PRPSAP2: variants seen among roughly 807,000 people sequenced by gnomAD.
The protein encoded by PRPSAP2 is phosphoribosyl pyrophosphate synthetase associated protein 2.
In PRPSAP2, 24 loss-of-function variants were observed where a neutral mutation model predicts 40.6. The observed-to-expected ratio is 0.59, with a 90% CI of 0.43 to 0.83. PRPSAP2 has a LOEUF of 0.83. Among genes scored for constraint, PRPSAP2 ranks in the 40% least tolerant of loss-of-function variants. The pLI is 0.00. For synonymous variants in PRPSAP2, 149 were observed against 164.7 expected (o/e 0.90, Z 0.73); for missense variants, 292 against 465.6 (o/e 0.63, Z 3.43).
intron 10 of PRPSAP2, among the ~76,000 whole-genome samples, chr17:18,924,817 C>G (rs1175773944): frequency 6.8e-6 from 1 of 146,252 alleles, no homozygotes; most frequent in Non-Finnish European, 1.5e-5. Context: ...AGATATTGTT[C>G]TGTGATCAAA....
At chr17:18,916,320 A>G (rs141529660) in intron 9 of PRPSAP2, among the ~76,000 whole-genome samples, 1 of 151,914 alleles carries the variant, frequency 6.6e-6, no homozygotes, top group East Asian at 1.9e-4. Context: ...ACTTCTCAGT[A>G]CCAATTTCTG....
chr17:18,885,678 C>T (rs2039087631), intron 7 of PRPSAP2, among the ~76,000 whole-genome samples: 1 of 152,094 alleles, frequency 6.6e-6, no homozygotes, highest in Admixed American at 6.6e-5. Flanking sequence ...ACCTCCCCCT[C>T]CCAGGTTCAA....
intron 5 of PRPSAP2, among the ~76,000 whole-genome samples, chr17:18,877,469 G>A (rs971947858): frequency 6.6e-6 from 1 of 152,148 alleles, no homozygotes; most frequent in African/African-American, 2.4e-5. Flanking sequence ...CACATAGTGG[G>A]AGCTTGTGGA....
intron 8 of PRPSAP2, among the ~76,000 whole-genome samples, chr17:18,905,289 G>A (rs1330814905): frequency 6.6e-6 from 1 of 152,140 alleles, no homozygotes; most frequent in Non-Finnish European, 1.5e-5. Flanking sequence ...GCCTCCCAAA[G>A]TGCTGGGATT....
intron 8 of PRPSAP2, among the ~76,000 whole-genome samples, chr17:18,890,314 C>T (rs1044993129): frequency 6.6e-5 from 10 of 151,994 alleles, no homozygotes; most frequent in Non-Finnish European, 7.4e-5. Flanking sequence ...GGATTACAGG[C>T]GTGCACCACC....
At chr17:18,890,705 G>A (rs958460178) in intron 8 of PRPSAP2, among the ~76,000 whole-genome samples, 1 of 152,180 alleles carries the variant, frequency 6.6e-6, no homozygotes, top group African/African-American at 2.4e-5. Flanking sequence ...GTCAGTCTTT[G>A]AGTCTGGCGT....
chr17:18,897,453 G>GTGTTGTTGTTGTTGTTGT (rs11271940), intron 8 of PRPSAP2, among the ~76,000 whole-genome samples: 1,845 of 150,588 alleles, frequency 0.012, 51 homozygotes, highest in African/African-American at 0.043. Flanking sequence ...CTCTATAGTG[G>GTGTTGTTGTTGTTGTTGT]TGTTGTTGTT....
At chr17:18,866,243 CTA>C (rs1013295873) in intron 3 of PRPSAP2, among the ~76,000 whole-genome samples, 4 of 150,662 alleles carry the variant, frequency 2.7e-5, no homozygotes, top group Admixed American at 6.7e-5. Flanking sequence ...GTGTTAGATG[CTA>C]TATATATATA....
At chr17:18,872,706 A>G (rs2037981020) in intron 5 of PRPSAP2, 57 bp downstream of exon 5, 1 of 1,321,296 alleles carries the variant, frequency 7.6e-7, no homozygotes. Flanking sequence ...TGAGTGTTTA[A>G]AATAATGATA....
At chr17:18,869,344 T>TC (rs1395405261) in intron 4 of PRPSAP2, among the ~76,000 whole-genome samples, 2 of 150,102 alleles carry the variant, frequency 1.3e-5, no homozygotes, top group Non-Finnish European at 3.0e-5. Context: ...TTCTTTTCTT[T>TC]TTTTTTTTTT....
intron 8 of PRPSAP2, among the ~76,000 whole-genome samples, chr17:18,896,885 A>AT (rs1435399336): frequency 6.6e-6 from 1 of 152,034 alleles, no homozygotes; most frequent in African/African-American, 2.4e-5. Context: ...GAGGTTTCCA[A>AT]TTTTTGTCTT....
At chr17:18,871,394 T>C (rs976224539) in intron 4 of PRPSAP2, among the ~76,000 whole-genome samples, 1 of 152,202 alleles carries the variant, frequency 6.6e-6, no homozygotes, top group South Asian at 2.1e-4. Context: ...GGATTTTTTT[T>C]AAAAAATATC....
intron 8 of PRPSAP2, among the ~76,000 whole-genome samples, chr17:18,897,103 G>A (rs533669487): frequency 6.6e-6 from 1 of 152,132 alleles, no homozygotes; most frequent in South Asian, 2.1e-4. Context: ...CCACAGGCAT[G>A]CAGCACCATG....
chr17:18,922,796 C>T (rs1597759354), intron 9 of PRPSAP2, among the ~76,000 whole-genome samples: 1 of 150,492 alleles, frequency 6.6e-6, no homozygotes, highest in East Asian at 1.9e-4. Flanking sequence ...ACCTCAGCCC[C>T]CTAAGTAGCT....
chr17:18,900,426 T>C (rs1353521669), intron 8 of PRPSAP2, among the ~76,000 whole-genome samples: 2 of 152,224 alleles, frequency 1.3e-5, no homozygotes, highest in Non-Finnish European at 2.9e-5. Context: ...GTAGCACTTT[T>C]CTGATGGCTG....
At chr17:18,882,534 C>A in intron 6 of PRPSAP2, 34 bp from the exon 7 acceptor site, 5 of 1,322,154 alleles carry the variant, frequency 3.8e-6, no homozygotes, top group Non-Finnish European at 5.3e-6. Context: ...AAAAACAAAA[C>A]TATTTATTGC....
At chr17:18,885,930 C>T (rs1274554440) in intron 7 of PRPSAP2, among the ~76,000 whole-genome samples, 1 of 151,986 alleles carries the variant, frequency 6.6e-6, no homozygotes, top group African/African-American at 2.4e-5. Flanking sequence ...ACCGTGTTGG[C>T]CAGGCTGGTC....
intron 7 of PRPSAP2, among the ~76,000 whole-genome samples, chr17:18,885,429 A>AAAAAAAAAAAAT (rs59891086): frequency 1.3e-4 from 14 of 109,304 alleles, no homozygotes; most frequent in Non-Finnish European, 1.9e-4. Flanking sequence ...AAAAAAAAAA[A>AAAAAAAAAAAAT]TTAATATGTG....
At chr17:18,883,329 T>C (rs1204547407) in intron 7 of PRPSAP2, among the ~76,000 whole-genome samples, 2 of 152,150 alleles carry the variant, frequency 1.3e-5, no homozygotes, top group African/African-American at 4.8e-5. Flanking sequence ...TTTTTGTGAC[T>C]TACTATTTAA....
Sources: gnomAD v4.1 joint callset for allele counts (sites outside exome capture counted in the v4.1 genomes callset) on GRCh38, gnomAD v4.1.1 for gene constraint, MANE v1.5 for transcripts, NCBI Gene and HGNC (gene_info 2026-07-23, HGNC 2026-07-21) for gene names.